ACTR3C: variants seen among roughly 807,000 people sequenced by gnomAD.
ACTR3C encodes actin related protein 3C.
ACTR3C carries 18 observed loss-of-function variants against 26.3 expected under a neutral mutation model. That is an observed-to-expected ratio of 0.68 (90% CI 0.47 to 1.01). ACTR3C has a LOEUF of 1.01. Among genes scored for constraint, ACTR3C ranks in the 50% least tolerant of loss-of-function variants. The pLI is 0.00. For missense variants in ACTR3C, 184 were observed against 250.7 expected, an observed-to-expected ratio of 0.73 and a Z score of 1.80; for synonymous variants, 55 against 94.5, an observed-to-expected ratio of 0.58 and a Z score of 2.42.
intron 6 of ACTR3C, among the ~76,000 whole-genome samples, chr7:150,275,539 C>T (rs1439145791): frequency 1.6e-4 from 24 of 152,152 alleles, no homozygotes; most frequent in Middle Eastern, 3.4e-3. Context: ...GGCGAAACCC[C>T]GTCTCTACTA....
chr7:150,277,787 A>G (rs888091295), intron 6 of ACTR3C, among the ~76,000 whole-genome samples: 1 of 152,046 alleles, frequency 6.6e-6, no homozygotes, highest in African/African-American at 2.4e-5. Flanking sequence ...TTCCCAATAC[A>G]GGCACTGTCC....
chr7:150,154,079 G>T, the ACTR3C span, among the ~76,000 whole-genome samples: 40 of 120,594 alleles, frequency 3.3e-4, no homozygotes, highest in African/African-American at 1.1e-3. Context: ...GTTGTGGGGT[G>T]GGGGGAGGGG....
At chr7:150,143,595 C>A in the ACTR3C span, among the ~76,000 whole-genome samples, 5 of 152,354 alleles carry the variant, frequency 3.3e-5, no homozygotes, top group Admixed American at 6.5e-5. Context: ...CTTCCCTGAT[C>A]CCCGGTGAGT....
the ACTR3C span, among the ~76,000 whole-genome samples, chr7:150,036,530 T>C: frequency 9.5e-4 from 138 of 145,122 alleles, 5 homozygotes; most frequent in African/African-American, 3.3e-3. Flanking sequence ...GTTGTTGGGA[T>C]CCCCATTTCA....
the ACTR3C span, chr7:149,891,455 G>GA: frequency 6.9e-5 from 40 of 579,758 alleles, no homozygotes; most frequent in South Asian, 9.5e-5. Context: ...ACAGCATTTG[G>GA]AAAAAAAAGA....
At chr7:150,142,326 C>T in the ACTR3C span, among the ~76,000 whole-genome samples, 1 of 152,154 alleles carries the variant, frequency 6.6e-6, no homozygotes. Context: ...TGCATGGGGT[C>T]CTCCCTGTTC....
the ACTR3C span, among the ~76,000 whole-genome samples, chr7:150,090,015 G>A: frequency 6.6e-6 from 1 of 152,152 alleles, no homozygotes; most frequent in Non-Finnish European, 1.5e-5. Flanking sequence ...ATTAAAAAGG[G>A]AAGCATTCTG....
the ACTR3C span, among the ~76,000 whole-genome samples, chr7:150,193,038 T>C: frequency 6.6e-6 from 1 of 152,204 alleles, no homozygotes; most frequent in Admixed American, 6.5e-5. Context: ...CAAACTTCCT[T>C]ATAAAAGCCT....
chr7:150,094,861 G>A, the ACTR3C span, among the ~76,000 whole-genome samples: 1 of 150,514 alleles, frequency 6.6e-6, no homozygotes, highest in South Asian at 2.1e-4. Flanking sequence ...CTTGCAGCTC[G>A]TCCAACCGGA....
At chr7:150,110,511 C>T in the ACTR3C span, among the ~76,000 whole-genome samples, 2 of 60,592 alleles carry the variant, frequency 3.3e-5, no homozygotes, top group East Asian at 3.6e-4. Flanking sequence ...GGTGGGGCTG[C>T]CTGAGGGTGG....
downstream of ACTR3C, among the ~76,000 whole-genome samples, chr7:150,239,540 CTATATATA>C (rs869280836): frequency 2.7e-4 from 24 of 90,156 alleles, no homozygotes; most frequent in East Asian, 1.6e-3. Flanking sequence ...CTCTCTCTCT[CTATATATA>C]TATATATATA....
chr7:150,110,826 G>C, the ACTR3C span, among the ~76,000 whole-genome samples: 4 of 126,636 alleles, frequency 3.2e-5, no homozygotes, highest in South Asian at 5.2e-4. Flanking sequence ...GGCAAGGCTG[G>C]CAGGGGGGTG....
chr7:149,929,421 C>T, the ACTR3C span, among the ~76,000 whole-genome samples: 5 of 30,026 alleles, frequency 1.7e-4, no homozygotes, highest in Non-Finnish European at 7.0e-5. Context: ...GAACAAGATT[C>T]TGTCAAAAAA....
At chr7:149,902,356 A>G in the ACTR3C span, among the ~76,000 whole-genome samples, 15 of 149,448 alleles carry the variant, frequency 1.0e-4, no homozygotes, top group African/African-American at 2.2e-4. Flanking sequence ...TTACAGTCCA[A>G]TCTCACTTTT....
the ACTR3C span, among the ~76,000 whole-genome samples, chr7:149,933,923 C>T: frequency 1.8e-4 from 26 of 147,404 alleles, no homozygotes; most frequent in African/African-American, 6.3e-4. Flanking sequence ...GTGTCAAGTT[C>T]GACTCAATGC....
At chr7:150,216,714 C>T in the ACTR3C span, among the ~76,000 whole-genome samples, 563 of 150,320 alleles carry the variant, frequency 3.7e-3, 6 homozygotes, top group African/African-American at 0.013. Flanking sequence ...TGGCCGGGCA[C>T]GGTGGCTCAC....
the ACTR3C span, among the ~76,000 whole-genome samples, chr7:150,197,703 G>A: frequency 6.6e-6 from 1 of 152,136 alleles, no homozygotes; most frequent in Non-Finnish European, 1.5e-5. Flanking sequence ...TCTCTACTTG[G>A]TCCTATCACA....
the ACTR3C span, among the ~76,000 whole-genome samples, chr7:150,223,974 A>C: frequency 6.6e-6 from 1 of 152,190 alleles, no homozygotes; most frequent in African/African-American, 2.4e-5. Flanking sequence ...AGAGGGCTGC[A>C]GTTCTTTGTT....
At chr7:150,089,930 C>G in the ACTR3C span, among the ~76,000 whole-genome samples, 3 of 152,194 alleles carry the variant, frequency 2.0e-5, no homozygotes, top group African/African-American at 7.2e-5. Context: ...CTTCAATGAT[C>G]TCAGTCTAAA....
Sources: allele counts gnomAD v4.1 joint callset (sites outside exome capture counted in the v4.1 genomes callset), GRCh38; gene constraint gnomAD v4.1.1; transcripts MANE v1.5; gene names NCBI Gene and HGNC (gene_info 2026-07-23, HGNC 2026-07-21).